The following CENPP variants were observed in gnomAD, a reference collection of about 807,000 sequenced individuals.
The protein encoded by CENPP is centromere protein P.
Under a neutral mutation model 35.6 loss-of-function variants are expected in CENPP, and 24 were observed. The ratio of observed to expected loss-of-function variants is 0.67; its 90% CI spans 0.49 to 0.95. The LOEUF is 0.95. CENPP is among the 40% of genes least tolerant of loss of function. CENPP has a pLI of 0.00. For synonymous variants in CENPP, 120 were observed against 125.5 expected (o/e 0.96, Z 0.29); for missense variants, 332 against 345.3 (o/e 0.96, Z 0.31).
intron 5 of CENPP, among the ~76,000 whole-genome samples, chr9:92,602,602 T>C (rs982877411): frequency 2.6e-5 from 4 of 152,088 alleles, no homozygotes; most frequent in African/African-American, 7.2e-5. Context: ...AGAGACGCAG[T>C]TGGGACAGCT....
intron 4 of CENPP, among the ~76,000 whole-genome samples, chr9:92,372,099 C>CTTTTTTTTTTTTTTTTTTTTTTTTTTT (rs71362382): frequency 3.3e-5 from 1 of 30,680 alleles, no homozygotes; most frequent in African/African-American, 1.4e-4. Context: ...TGCCAGCCAT[C>CTTTTTTTTTTTTTTTTTTTTTTTTTTT]TTTTTTTTTT....
At chr9:92,552,188 TATACAC>T (rs200842277) in intron 5 of CENPP, among the ~76,000 whole-genome samples, 1 of 100,124 alleles carries the variant, frequency 1.0e-5, no homozygotes, top group Non-Finnish European at 1.8e-5. Context: ...AGATCTATCA[TATACAC>T]ACACACACAC....
At chr9:92,540,049 A>G (rs1196420717) in intron 5 of CENPP, among the ~76,000 whole-genome samples, 1 of 152,244 alleles carries the variant, frequency 6.6e-6, no homozygotes, top group East Asian at 1.9e-4. Context: ...GGTAATACAT[A>G]TAAGTGGCAT....
chr9:92,359,246 G>C (rs958014058), intron 4 of CENPP, among the ~76,000 whole-genome samples: 2 of 152,022 alleles, frequency 1.3e-5, no homozygotes, highest in Admixed American at 6.6e-5. Flanking sequence ...ACCGTGCCCA[G>C]CCTTCTTTTA....
At chr9:92,446,028 A>C (rs1428246835) in intron 5 of CENPP, among the ~76,000 whole-genome samples, 1 of 152,188 alleles carries the variant, frequency 6.6e-6, no homozygotes, top group African/African-American at 2.4e-5. Flanking sequence ...TCTGTCATAA[A>C]TTCTCCTTGG....
At chr9:92,408,183 T>TTTTG (rs925178900) in intron 5 of CENPP, among the ~76,000 whole-genome samples, 3 of 152,126 alleles carry the variant, frequency 2.0e-5, no homozygotes, top group African/African-American at 7.2e-5. Context: ...GAGTTCTAGT[T>TTTTG]TTTGTTTGTT....
Position 92,617,774 on chromosome 9 carries a change from G to C in CENPP, c.*4625G>C. ...AAATGGGAGGTCGAGAGGAGCATCA[G>C]GGTTTAGGCCGGGAAGCTGTGGCAG... On this transcript the variant is annotated 3_prime_UTR_variant, in exon 8 of 8. Transcript: ENST00000375587. 1 of 177,096 alleles carries C rather than the reference G, an allele frequency of 5.6e-6. No individual in the cohort carries two copies. The highest frequency in any genetic ancestry group is 1.2e-5 in the Non-Finnish European group (1 of 82,976). 11.0% of individuals were successfully genotyped at this position (177,096 alleles called of 1,614,324 possible).
chr9:92,576,963 TAAAAG>T (rs1850297936), intron 5 of CENPP, among the ~76,000 whole-genome samples: 1 of 152,176 alleles, frequency 6.6e-6, no homozygotes, highest in Non-Finnish European at 1.5e-5. Context: ...AATCCATTAA[TAAAAG>T]AAAAGCAATT....
At chr9:92,417,437 G>T (rs376070963) in intron 5 of CENPP, 1 of 1,613,992 alleles carries the variant, frequency 6.2e-7, no homozygotes. Context: ...TGGGAATCCT[G>T]TTTGGTAATC....
intron 5 of CENPP, among the ~76,000 whole-genome samples, chr9:92,448,646 A>C (rs1337000643): frequency 2.0e-5 from 3 of 151,774 alleles, no homozygotes; most frequent in Non-Finnish European, 4.4e-5. Context: ...TTGCTTCTGG[A>C]TGGGGCCACA....
chr9:92,335,820 A>G (rs559211850), intron 2 of CENPP, among the ~76,000 whole-genome samples: 13 of 152,286 alleles, frequency 8.5e-5, no homozygotes, highest in African/African-American at 3.1e-4. Context: ...CAGGTCATTT[A>G]AGTTCTTAAA....
At chr9:92,592,059 AT>A (rs981098828) in intron 5 of CENPP, among the ~76,000 whole-genome samples, 22 of 152,134 alleles carry the variant, frequency 1.4e-4, no homozygotes, top group East Asian at 3.9e-4. Flanking sequence ...ATAAAAAAAA[AT>A]AGACATACAG....
chr9:92,426,716 CAAAT>C (rs1400098042), intron 5 of CENPP, among the ~76,000 whole-genome samples: 1 of 151,906 alleles, frequency 6.6e-6, no homozygotes, highest in Admixed American at 6.6e-5. Flanking sequence ...GTGGAAGTTA[CAAAT>C]AAATAAGCGA....
intron 5 of CENPP, among the ~76,000 whole-genome samples, chr9:92,582,450 T>C (rs1244876008): frequency 6.6e-6 from 1 of 152,160 alleles, no homozygotes; most frequent in Non-Finnish European, 1.5e-5. Context: ...GACATCCAGA[T>C]AGAACAGAAT....
intron 5 of CENPP, among the ~76,000 whole-genome samples, chr9:92,603,144 C>T (rs1208877696): frequency 6.6e-6 from 1 of 152,210 alleles, no homozygotes; most frequent in African/African-American, 2.4e-5. Context: ...AGGGATTTCT[C>T]AAAGTCATAT....
chr9:92,387,695 C>T (rs1842491373), intron 5 of CENPP, among the ~76,000 whole-genome samples: 1 of 152,252 alleles, frequency 6.6e-6, no homozygotes, highest in East Asian at 1.9e-4. Context: ...GTAGAATAAC[C>T]TAATTCTACT....
At chr9:92,482,961 A>G (rs7875681) in intron 5 of CENPP, among the ~76,000 whole-genome samples, 38,560 of 150,986 alleles carry the variant, frequency 0.26, 7,047 homozygotes, top group African/African-American at 0.51. Context: ...CAGGGAAACT[A>G]TGGATGAGGC....
chr9:92,442,715 G>C (rs1014946987), intron 5 of CENPP, among the ~76,000 whole-genome samples: 2 of 151,918 alleles, frequency 1.3e-5, no homozygotes, highest in Non-Finnish European at 2.9e-5. Context: ...CAGGCGTGGT[G>C]GTGGGTGCCT....
chr9:92,459,736 C>T (rs748965890), intron 5 of CENPP: 12 of 1,613,478 alleles, frequency 7.4e-6, no homozygotes, highest in East Asian at 2.2e-5. Flanking sequence ...CTCCCATTTT[C>T]GATATCTGTG....
Sources: gnomAD v4.1 joint callset for allele counts (sites outside exome capture counted in the v4.1 genomes callset) on GRCh38, gnomAD v4.1.1 for gene constraint, MANE v1.5 for transcripts, NCBI Gene and HGNC (gene_info 2026-07-23, HGNC 2026-07-21) for gene names.